SPAG16: variants seen among roughly 807,000 people sequenced by gnomAD.
SPAG16 encodes the protein sperm-associated antigen 16 protein.
SPAG16 carries 86 observed loss-of-function variants against 80.4 expected under a neutral mutation model. The ratio of observed to expected loss-of-function variants is 1.07; its 90% confidence interval spans 0.90 to 1.28. The LOEUF (loss-of-function observed/expected upper bound fraction) is 1.28. Ranked by LOEUF, SPAG16 falls within the 50% of genes most tolerant of loss-of-function variation. The pLI is 0.00. For missense variants in SPAG16, 870 were observed against 765.3 expected (o/e 1.14, Z -1.61); for synonymous variants, 294 against 265.9 (o/e 1.11, Z -1.03).
chr2:214,093,587 G>A (rs371682335), intron 13 of SPAG16, among the ~76,000 whole-genome samples: 3 of 151,958 alleles, frequency 2.0e-5, no homozygotes, highest in Non-Finnish European at 4.4e-5. Context: ...ACTCATGCAC[G>A]CGTGTCTATG....
At chr2:213,514,380 G>T (rs1465833313) in intron 10 of SPAG16, among the ~76,000 whole-genome samples, 3 of 151,924 alleles carry the variant, frequency 2.0e-5, no homozygotes, top group East Asian at 3.8e-4. Context: ...GATAATATAA[G>T]AATATTATCA....
intron 9 of SPAG16, among the ~76,000 whole-genome samples, chr2:213,402,959 G>A (rs1009904308): frequency 6.6e-6 from 1 of 151,964 alleles, no homozygotes; most frequent in Non-Finnish European, 1.5e-5. Flanking sequence ...GGGATGGCTG[G>A]GTCAAATGGT....
chr2:214,277,295 C>T (rs747660260), intron 15 of SPAG16, among the ~76,000 whole-genome samples: 13 of 152,108 alleles, frequency 8.5e-5, no homozygotes, highest in Non-Finnish European at 1.6e-4. Flanking sequence ...TCCGTCAACT[C>T]GTCAAAGTTA....
chr2:213,508,658 G>A (rs12694305), intron 10 of SPAG16, among the ~76,000 whole-genome samples: 65,580 of 151,906 alleles, frequency 0.43, 14,975 homozygotes, highest in African/African-American at 0.57. Context: ...ACAGCAAACT[G>A]TCGCAAGGAC....
intron 13 of SPAG16, among the ~76,000 whole-genome samples, chr2:214,037,375 C>T (rs1300808135): frequency 6.6e-6 from 1 of 151,664 alleles, no homozygotes; most frequent in Non-Finnish European, 1.5e-5. Context: ...TTAAAATAAT[C>T]TGTTTTTTGT....
intron 10 of SPAG16, among the ~76,000 whole-genome samples, chr2:213,490,582 A>G (rs2074193607): frequency 1.3e-5 from 2 of 152,140 alleles, no homozygotes; most frequent in Admixed American, 6.5e-5. Context: ...GCGTATTTAT[A>G]TTCATACACA....
chr2:213,608,435 G>A (rs1310316837), intron 10 of SPAG16, among the ~76,000 whole-genome samples: 1 of 152,008 alleles, frequency 6.6e-6, no homozygotes, highest in East Asian at 1.9e-4. Flanking sequence ...TTGGTTTTTT[G>A]TCCTTGTGAT....
In SPAG16 at chr2:213,915,916, T is replaced by C. The variant is rs963057663; in HGVS notation, c.1215-14044T>C. ...ATGTTTGTTGGCTGCATAAATATCT[T>C]CTTTTGAGAAATGTCTGTTCATATT... On this transcript the variant is annotated intron_variant, in intron 11 of 15. Coordinates refer to ENST00000331683, the MANE Select transcript of SPAG16 (RefSeq NM_024532.5). 2.0e-5 allele frequency among the ~76,000 whole-genome samples: 3 copies of C among 152,336 alleles called. No individual in the cohort carries two copies. The Middle Eastern group carries it at 0.01, about 518-fold the overall frequency.
At chr2:213,390,169 G>T (rs2067667917) in intron 9 of SPAG16, among the ~76,000 whole-genome samples, 1 of 152,154 alleles carries the variant, frequency 6.6e-6, no homozygotes, top group Non-Finnish European at 1.5e-5. Context: ...TGTATATGAG[G>T]TACTTTGAGT....
chr2:213,534,239 T>C (rs527645020), intron 10 of SPAG16, among the ~76,000 whole-genome samples: 4 of 152,264 alleles, frequency 2.6e-5, no homozygotes, highest in Admixed American at 2.0e-4. Context: ...TTCTACTTTT[T>C]TGGTTGTTTT....
At chr2:213,811,699 A>G (rs1227718220) in intron 10 of SPAG16, among the ~76,000 whole-genome samples, 1 of 152,188 alleles carries the variant, frequency 6.6e-6, no homozygotes, top group Non-Finnish European at 1.5e-5. Flanking sequence ...CTTCCCAGCT[A>G]CGGCATTCAG....
intron 1 of SPAG16, chr2:213,285,966 A>G (rs1395717320): frequency 2.5e-6 from 3 of 1,220,426 alleles, no homozygotes; most frequent in Non-Finnish European, 3.2e-6. Flanking sequence ...TATTTCCGTG[A>G]ACACATAGTT....
At chr2:213,678,977 G>A (rs1444017388) in intron 10 of SPAG16, among the ~76,000 whole-genome samples, 1 of 152,116 alleles carries the variant, frequency 6.6e-6, no homozygotes. Context: ...TCTGGGGAAT[G>A]TGCAGTTTGT....
At chr2:213,932,258 T>C (rs1012492245) in intron 12 of SPAG16, among the ~76,000 whole-genome samples, 3 of 149,612 alleles carry the variant, frequency 2.0e-5, no homozygotes, top group African/African-American at 7.4e-5. Flanking sequence ...TCACCCAGGC[T>C]AGAGTGCAGT....
intron 15 of SPAG16, among the ~76,000 whole-genome samples, chr2:214,408,663 T>C (rs1036269987): frequency 6.6e-6 from 1 of 152,208 alleles, no homozygotes; most frequent in African/African-American, 2.4e-5. Flanking sequence ...TCTAGAATTC[T>C]TATTATAAAA....
chr2:214,396,568 A>G (rs945210985), intron 15 of SPAG16, among the ~76,000 whole-genome samples: 4 of 152,180 alleles, frequency 2.6e-5, no homozygotes, highest in Non-Finnish European at 5.9e-5. Context: ...CAGGTTTGAC[A>G]ACTGTTAATA....
chr2:214,198,279 T>A lies in SPAG16; in HGVS notation c.1720+49013T>A, dbSNP rs2057904615. On this transcript the variant is annotated intron_variant, in intron 15 of 15. Coordinates refer to ENST00000331683, the MANE Select transcript of SPAG16 (RefSeq NM_024532.5). ...TCCCCCACCCACTGAGTCCTCAAAG[T>A]ACATTATATCATTCTTAGGCCTTTG... Among the ~76,000 whole-genome samples, 4 of 152,010 alleles carry A rather than the reference T, an allele frequency of 2.6e-5. No individual in the cohort carries two copies. The South Asian group carries it at 8.3e-4, about 32-fold the overall frequency.
At chr2:213,675,687 G>A (rs972778841) in intron 10 of SPAG16, among the ~76,000 whole-genome samples, 1 of 152,110 alleles carries the variant, frequency 6.6e-6, no homozygotes, top group Non-Finnish European at 1.5e-5. Context: ...TCAAAGATCA[G>A]ATAGTTGTAG....
chr2:214,030,770 G>A (rs2048366000), intron 13 of SPAG16, among the ~76,000 whole-genome samples: 1 of 152,176 alleles, frequency 6.6e-6, no homozygotes, highest in Non-Finnish European at 1.5e-5. Flanking sequence ...ATCTGCAGCT[G>A]TACTGCAATT....
Sources: allele counts gnomAD v4.1 joint callset (sites outside exome capture counted in the v4.1 genomes callset), GRCh38; gene constraint gnomAD v4.1.1; transcripts MANE v1.5; gene names NCBI Gene and HGNC (gene_info 2026-07-23, HGNC 2026-07-21).